The following FGF12 variants were observed in gnomAD, a reference collection of about 807,000 sequenced individuals.
FGF12 encodes the protein fibroblast growth factor 12.
FGF12 carries 14 observed loss-of-function variants against 23.6 expected under a neutral mutation model. The observed-to-expected ratio is 0.59, with a 90% CI of 0.39 to 0.93. The LOEUF (loss-of-function observed/expected upper bound fraction) is 0.93. Among genes scored for constraint, FGF12 ranks in the 40% least tolerant of loss-of-function variants. FGF12 has a pLI of 0.00. For synonymous variants in FGF12, 62 were observed against 77.3 expected (o/e 0.80, Z 1.04); for missense variants, 175 against 217.8 (o/e 0.80, Z 1.24).
intron 2 of FGF12, among the ~76,000 whole-genome samples, chr3:192,469,391 T>C (rs1282070057): frequency 6.6e-6 from 1 of 152,222 alleles, no homozygotes; most frequent in Non-Finnish European, 1.5e-5. Flanking sequence ...TATTAAATAC[T>C]ATGAATTCCT....
chr3:192,325,982 A>C (rs1716798681), intron 4 of FGF12, among the ~76,000 whole-genome samples: 1 of 152,166 alleles, frequency 6.6e-6, no homozygotes. Context: ...ATACTCAGGA[A>C]AATTATTATA....
chr3:192,715,481 G>T (rs1372345779), intron 2 of FGF12, among the ~76,000 whole-genome samples: 1 of 152,196 alleles, frequency 6.6e-6, no homozygotes, highest in Non-Finnish European at 1.5e-5. Flanking sequence ...AGCCTAGAAT[G>T]ATTTTCCAAT....
chr3:192,699,473 C>T (rs138006674), intron 2 of FGF12, among the ~76,000 whole-genome samples: 10 of 152,202 alleles, frequency 6.6e-5, no homozygotes, highest in South Asian at 4.2e-4. Flanking sequence ...AATATATCCA[C>T]GCCTACACGC....
chr3:192,367,851 G>A (rs1446776011), intron 2 of FGF12, among the ~76,000 whole-genome samples: 1 of 152,106 alleles, frequency 6.6e-6, no homozygotes, highest in African/African-American at 2.4e-5. Context: ...TCTCCCCATT[G>A]GTCAAATGAA....
intron 2 of FGF12, among the ~76,000 whole-genome samples, chr3:192,473,318 T>C (rs1723226194): frequency 6.6e-6 from 1 of 152,216 alleles, no homozygotes; most frequent in African/African-American, 2.4e-5. Context: ...TTTATTCCCA[T>C]GCCTACTTCC....
intron 4 of FGF12, among the ~76,000 whole-genome samples, chr3:192,247,046 AAGGAAGGAAGGAAGGAAG>A (rs1560033000): frequency 4.3e-4 from 26 of 60,974 alleles, no homozygotes; most frequent in East Asian, 1.5e-3. Context: ...GGAAGGAAGG[AAGGAAGGAAGGAAGGAAG>A]GAAGGAAGGA....
At chr3:192,418,339 A>C (rs1185767745) in intron 2 of FGF12, among the ~76,000 whole-genome samples, 1 of 152,180 alleles carries the variant, frequency 6.6e-6, no homozygotes, top group African/African-American at 2.4e-5. Flanking sequence ...GTTAGTCCTC[A>C]CTACAAGACA....
At chr3:192,340,030 T>C (rs77718290) in intron 3 of FGF12, among the ~76,000 whole-genome samples, 5,801 of 152,210 alleles carry the variant, frequency 0.038, 143 homozygotes, top group East Asian at 0.072. Context: ...ATCTACAACA[T>C]ACATTTGTGC....
chr3:192,385,222 TA>T (rs1276542455), intron 2 of FGF12, among the ~76,000 whole-genome samples: 1 of 152,036 alleles, frequency 6.6e-6, no homozygotes, highest in Non-Finnish European at 1.5e-5. Flanking sequence ...TATTTATATA[TA>T]AAAATAATAA....
chr3:192,387,947 C>G (rs1047538870), intron 2 of FGF12, among the ~76,000 whole-genome samples: 8 of 152,000 alleles, frequency 5.3e-5, no homozygotes, highest in Admixed American at 3.3e-4. Context: ...TATAGCCACT[C>G]TTAGTTATTT....
chr3:192,580,767 C>G (rs1188374588), intron 2 of FGF12, among the ~76,000 whole-genome samples: 2 of 151,970 alleles, frequency 1.3e-5, no homozygotes, highest in Non-Finnish European at 2.9e-5. Context: ...ACCACTGTGC[C>G]CAGATAATTT....
chr3:192,423,633 T>A (rs987495836), intron 2 of FGF12, among the ~76,000 whole-genome samples: 1 of 152,134 alleles, frequency 6.6e-6, no homozygotes, highest in East Asian at 1.9e-4. Flanking sequence ...TTTTAAAGAT[T>A]ATGAAATTGA....
chr3:192,362,616 T>A (rs184057583), intron 2 of FGF12, among the ~76,000 whole-genome samples: 18 of 152,312 alleles, frequency 1.2e-4, no homozygotes, highest in Admixed American at 1.1e-3. Flanking sequence ...GTGGCCCCGA[T>A]CAACTCATCT....
intron 2 of FGF12, among the ~76,000 whole-genome samples, chr3:192,667,526 C>T (rs933963119): frequency 2.0e-5 from 3 of 147,332 alleles, no homozygotes; most frequent in African/African-American, 7.6e-5. Context: ...AGGAGCATCA[C>T]TAGAACCCAG....
chr3:192,268,768 T>C (rs1034473056), intron 4 of FGF12: 3 of 395,752 alleles, frequency 7.6e-6, no homozygotes, highest in Admixed American at 5.4e-5. Flanking sequence ...ATCAAAACTA[T>C]TGTCTTCATA....
intron 2 of FGF12, among the ~76,000 whole-genome samples, chr3:192,524,291 T>C (rs1724891861): frequency 6.6e-6 from 1 of 152,234 alleles, no homozygotes; most frequent in Non-Finnish European, 1.5e-5. Context: ...ATTTTCTCTG[T>C]AAATTGTCTG....
rs1477308420 is a variant in FGF12 at position 192,409,101 on chromosome 3, G to A, written c.14-48563C>T. On this transcript the variant is annotated intron_variant, in intron 2 of 5. Transcript: ENST00000445105. The surrounding 1 kb of genome is among the most constrained non-coding windows in gnomAD (Gnocchi z 4.8). ...GGGGAGGGCGCGAGGGAGGGAGGGA[G>A]ATCCTCGAGGGCCAAGCACCCCTCG... The A allele has an allele frequency of 9.3e-6, 4 of 429,586 alleles. No individual in the cohort carries two copies. Among genetic ancestry groups the A allele is most frequent in the Non-Finnish European group, 1.2e-5 (4 of 322,078 alleles). 26.6% of individuals were successfully genotyped at this position (429,586 alleles called of 1,614,324 possible).
intron 2 of FGF12, among the ~76,000 whole-genome samples, chr3:192,502,776 G>C (rs1577022609): frequency 6.6e-6 from 1 of 152,226 alleles, no homozygotes; most frequent in Non-Finnish European, 1.5e-5. Context: ...ATTGGGAGTA[G>C]CGCCTAATTG....
intron 4 of FGF12, among the ~76,000 whole-genome samples, chr3:192,251,255 G>A (rs938193236): frequency 3.3e-5 from 5 of 152,138 alleles, no homozygotes; most frequent in East Asian, 1.9e-4. Flanking sequence ...CAGGGAGTGC[G>A]CCATGAAAAT....
Sources: allele counts gnomAD v4.1 joint callset (sites outside exome capture counted in the v4.1 genomes callset), GRCh38; gene constraint gnomAD v4.1.1; non-coding constraint Gnocchi (gnomAD v3.1); transcripts MANE v1.5; gene names NCBI Gene and HGNC (gene_info 2026-07-23, HGNC 2026-07-21).